KLK2: variants seen among roughly 807,000 people sequenced by gnomAD.
The protein encoded by KLK2 is kallikrein-2.
Under a neutral mutation model 23.0 loss-of-function variants are expected in KLK2, and 17 were observed. The observed-to-expected ratio is 0.74, with a 90% CI of 0.51 to 1.11. The LOEUF is 1.11. Ranked by LOEUF, KLK2 falls within the 50% of genes least tolerant of loss-of-function variation. The probability of loss-of-function intolerance (pLI) is 0.00; values close to 1 mark genes in which losing one functional copy is unlikely to be tolerated. For missense variants in KLK2, 330 were observed against 325.9 expected (o/e 1.01, Z -0.10); for synonymous variants, 140 against 124.7 (o/e 1.12, Z -0.82).
chr19:50,873,672 G>A (rs767508595), intron 1 of KLK2, 153 bp downstream of exon 1: 40 of 594,768 alleles, frequency 6.7e-5, no homozygotes, highest in Non-Finnish European at 1.1e-4. Flanking sequence ...TAGTCCTCAT[G>A]CCCACACTAG....
In KLK2 at chr19:50,874,712, C is replaced by G. The variant is rs1568502245; in HGVS notation, c.47-9C>G. ...GTCTGATCCCCCTGACCCAGCACCC[C>G]CTCCGCAGGTGCCGTGCCCCTCATC... On this transcript the variant is annotated splice_polypyrimidine_tract_variant and intron_variant, in intron 1 of 4. Coordinates refer to ENST00000325321, the MANE Select transcript of KLK2 (RefSeq NM_005551.5). The G allele has an allele frequency of 1.2e-6, 2 of 1,605,514 alleles. No individual in the cohort carries two copies. The highest frequency in any genetic ancestry group is 3.4e-5 in the Admixed American group (2 of 59,480).
At chr19:50,876,261 G>A (rs1019352296) in intron 2 of KLK2, 9 of 573,886 alleles carry the variant, frequency 1.6e-5, no homozygotes, top group Admixed American at 3.1e-5. Flanking sequence ...TTTCCACTTC[G>A]TTTCTTTCAG....
chr19:50,876,584 A>T lies in KLK2; in HGVS notation c.319A>T (p.Lys107Ter), dbSNP rs2090290271. 1.9e-6 allele frequency: 3 copies of T among 1,614,036 alleles called. No individual in the cohort carries two copies. The African/African-American group carries it at 4.0e-5, about 22-fold the overall frequency. Reference protein sequence around the residue: ...PHPLYNMSLLKHQSLRPDEDS... With the variant: ...PHPLYNMSLL ...CCCGCTCTACAATATGAGCCTTCTG[A>T]AGCATCAAAGCCTTAGACCAGATGA... Residue 107 changes from lysine (K) to a stop codon, truncating the protein, a stop_gained, in exon 3 of 5, where the codon AAG becomes TAG. Coordinates refer to ENST00000325321, the MANE Select transcript of KLK2 (RefSeq NM_005551.5). LOFTEE classifies it high-confidence loss of function.
Position 50,876,475 on chromosome 19 carries a change from T to A in KLK2, c.210T>A (p.Asn70Lys). ...VLTAAHCLKK[N>K]SQVWLGRHNL... Reference sequence around the variant, plus strand: ...CATCCACCCCCTTCCTCCCCAGGAATAGCCAGGTCTGGCTGGGTCGGCACA... The same window carrying A: ...CATCCACCCCCTTCCTCCCCAGGAAAAGCCAGGTCTGGCTGGGTCGGCACA... Residue 70 changes from asparagine to lysine, a missense_variant, in exon 3 of 5, where the codon AAT becomes AAA. Physicochemically the swap from Asn to Lys is moderately conservative, Grantham distance 94. Coordinates refer to ENST00000325321, the MANE Select transcript of KLK2 (RefSeq NM_005551.5). 6.2e-7 allele frequency: 1 copy of A among 1,613,960 alleles called. No individual in the cohort carries two copies. Among genetic ancestry groups the A allele is most frequent in the Non-Finnish European group, 8.5e-7 (1 of 1,179,922 alleles).
rs550336155 is a variant in KLK2, at chr19:50,878,415, G to A, written c.642G>A (p.Gly214=). ...GGKDTCGGDS[G]GPLVCNGVLQ... ...TCCTTTACCCTTAGGGTGATTCTGG[G>A]GGTCCACTTGTCTGTAATGGTGTGC... is the stretch of plus-strand genomic sequence containing the variant. The change falls in exon 5 of 5, where the codon GGG becomes GGA. Residue 214 remains glycine, a synonymous_variant. Transcript: ENST00000325321. The A allele has an allele frequency of 6.2e-7, 1 of 1,613,038 alleles. No homozygotes were observed. The highest frequency in any genetic ancestry group is 1.3e-5 in the African/African-American group (1 of 75,020).
Position 50,874,857 on chromosome 19 carries a change from C to T in KLK2, c.183C>T (p.Leu61=). 6.2e-7 allele frequency: 1 copy of T among 1,613,014 alleles called. No individual in the cohort carries two copies. The highest frequency in any genetic ancestry group is 8.5e-7 in the Non-Finnish European group (1 of 1,179,364). ...TCCTGGTGCACCCCCAGTGGGTGCT[C>T]ACAGCTGCCCATTGCCTAAAGAAGT... The part of the protein sequence containing the change: ...GGVLVHPQWV[L]TAAHCLKKNS... The change falls in exon 2 of 5, where the codon CTC becomes CTT. Residue 61 remains leucine (L), a synonymous_variant. Transcript: ENST00000325321.
chr19:50,875,124 G>C, intron 2 of KLK2: 1 of 587,334 alleles, frequency 1.7e-6, no homozygotes, highest in South Asian at 3.7e-5. Flanking sequence ...GTGTCTGTAT[G>C]ACTGTGTTTT....
At chr19:50,875,065 TTCTC>T in intron 2 of KLK2, 185 bp downstream of exon 2, 1 of 1,196,658 alleles carries the variant, frequency 8.4e-7, no homozygotes, top group South Asian at 1.9e-5. Flanking sequence ...CTGCCTGGGT[TTCTC>T]TCTGTGTCTG....
In KLK2 at chr19:50,879,616, G is replaced by A. The variant is rs570449470; in HGVS notation, c.*1057G>A. ...TTAGTGTCCAGGGTTTTTACTGGGGGTCTGTAGGACGAGTATGGAGTACTT... is the reference window on the plus strand; with the variant it reads ...TTAGTGTCCAGGGTTTTTACTGGGGATCTGTAGGACGAGTATGGAGTACTT... On this transcript the variant is annotated 3_prime_UTR_variant, in exon 5 of 5. Transcript: ENST00000325321. The A allele has an allele frequency of 3.9e-5, 9 of 230,734 alleles. No homozygotes were observed. The East Asian group carries it at 5.6e-4, about 14-fold the overall frequency. The allele number at this position is 230,734 out of a possible 1,614,324, so 14.3% of individuals were successfully genotyped here.
intron 1 of KLK2, chr19:50,874,492 G>C (rs939494684): frequency 4.5e-6 from 2 of 449,300 alleles, no homozygotes; most frequent in African/African-American, 2.0e-5. Context: ...CTGATCTCTG[G>C]GGTCAGCTCC....
At position 50,876,672 on chromosome 19, in the gene KLK2, T is replaced by G; in HGVS notation, c.407T>G (p.Val136Gly). 1 of 1,614,204 alleles carries G rather than the reference T, an allele frequency of 6.2e-7. No individual in the cohort carries two copies. Among genetic ancestry groups the G allele is most frequent in the East Asian group, 2.2e-5 (1 of 44,878 alleles). The change falls in exon 3 of 5, where the codon GTG becomes GGG. Residue 136 changes from valine to glycine, a missense_variant. Physicochemically the swap from Val to Gly is moderately radical, Grantham distance 109. Coordinates refer to ENST00000325321, the MANE Select transcript of KLK2 (RefSeq NM_005551.5). ...GAGCCTGCCAAGATCACAGATGTTG[T>G]GAAGGTCCTGGGCCTGCCCACCCAG... ...LSEPAKITDV[V>G]KVLGLPTQEP...
In KLK2 at chr19:50,876,675, A is replaced by C; in HGVS notation, c.410A>C (p.Lys137Thr). The C allele has an allele frequency of 1.9e-6, 3 of 1,614,202 alleles. No homozygotes were observed. The highest frequency in any genetic ancestry group is 2.5e-6 in the Non-Finnish European group (3 of 1,180,036). Residue 137 changes from lysine to threonine, a missense_variant, in exon 3 of 5, where the codon AAG becomes ACG. Physicochemically the swap from Lys to Thr is moderately conservative, Grantham distance 78. Coordinates refer to ENST00000325321, the MANE Select transcript of KLK2 (RefSeq NM_005551.5). The part of the protein sequence containing the change: ...SEPAKITDVV[K>T]VLGLPTQEPA... ...CCTGCCAAGATCACAGATGTTGTGA[A>C]GGTCCTGGGCCTGCCCACCCAGGAG...
chr19:50,875,055 C>T, intron 2 of KLK2, 175 bp downstream of exon 2: 1 of 1,267,790 alleles, frequency 7.9e-7, no homozygotes. Context: ...CTCCCCATGG[C>T]TGCCTGGGTT....
At chr19:50,877,147 T>C in intron 4 of KLK2, 139 bp downstream of exon 4, 8 of 1,061,522 alleles carry the variant, frequency 7.5e-6, no homozygotes, top group Non-Finnish European at 1.1e-5. Context: ...ATGCCTCATC[T>C]GCCGCCCTCC....
At chr19:50,874,506 C>T (rs2090262400) in intron 1 of KLK2, 1 of 492,638 alleles carries the variant, frequency 2.0e-6, no homozygotes, top group Non-Finnish European at 3.6e-6. Flanking sequence ...CAGCTCCGTT[C>T]TCAGAGCATG....
intron 2 of KLK2, 92 bp downstream of exon 2, chr19:50,874,972 G>A: frequency 6.8e-7 from 1 of 1,477,846 alleles, no homozygotes; most frequent in Non-Finnish European, 9.0e-7. Flanking sequence ...CTCAGGTGAG[G>A]CTTCAGACTA....
chr19:50,875,834 A>T (rs76575641), intron 2 of KLK2: 1 of 153,738 alleles, frequency 6.5e-6, no homozygotes, highest in African/African-American at 2.4e-5. Context: ...AACAAAAAAA[A>T]TCGAAAGGAG....
chr19:50,878,644 C>A lies in KLK2; in HGVS notation c.*85C>A. The A allele has an allele frequency of 1.4e-6, 2 of 1,390,308 alleles. No individual in the cohort carries two copies. The highest frequency in any genetic ancestry group is 2.0e-6 in the Non-Finnish European group (2 of 997,378). The allele number at this position is 1,390,308 out of a possible 1,614,324, so 86.1% of individuals were successfully genotyped here. ...CTTGGCCTTTCTGGATGCTGGACAC[C>A]TGAAGCTTGGAACTCACCTGGCCGA... is the stretch of plus-strand genomic sequence containing the variant. On this transcript the variant is annotated 3_prime_UTR_variant, in exon 5 of 5. Transcript: ENST00000325321.
At chr19:50,877,349 C>T in intron 4 of KLK2, 1 of 358,998 alleles carries the variant, frequency 2.8e-6, no homozygotes, top group Non-Finnish European at 5.2e-6. Context: ...GGGGCACTGG[C>T]AGGAACAGTG....
Sources: gnomAD v4.1 joint callset for allele counts on GRCh38, gnomAD v4.1.1 for gene constraint, MANE v1.5 for transcripts, NCBI Gene and HGNC (gene_info 2026-07-23, HGNC 2026-07-21) for gene names.